RNF213: variants seen among roughly 807,000 people sequenced by gnomAD.
RNF213 encodes the protein ring finger protein 213.
In RNF213, 341 loss-of-function variants were observed where a neutral mutation model predicts 514.4. The ratio of observed to expected loss-of-function variants is 0.66; its 90% CI spans 0.61 to 0.73. The LOEUF (loss-of-function observed/expected upper bound fraction) is 0.73. RNF213 is among the 30% of genes least tolerant of loss of function. RNF213 has a pLI of 0.00. For missense variants in RNF213, 5,767 were observed against 6,615.6 expected, an observed-to-expected ratio of 0.87 and a Z score of 4.45; for synonymous variants, 2,655 against 2,658.2, an observed-to-expected ratio of 1.00 and a Z score of 0.04.
chr17:80,273,347 C>G lies in RNF213; in HGVS notation c.204C>G (p.Asp68Glu), dbSNP rs776879950. Residue 68 changes from aspartate (D) to glutamate (E), a missense_variant, in exon 3 of 68, where the codon GAC (aspartate) becomes GAG (glutamate). Around this residue, in one of 13 missense-constraint regions of RNF213, gnomAD observed 509 missense variants for 496.7 expected, o/e 1.02. Coordinates refer to ENST00000582970, the MANE Select transcript of RNF213 (RefSeq NM_001256071.3). The stretch of plus-strand genomic sequence containing the variant: ...GCCCGTGCTTGTTCCCGGGCTCAGA[C>G]AGTTGGCAAGAAAACCCCGAGGAGC... ...EGGPCLFPGS[D>E]SWQENPEEPC... 12 of 1,613,322 alleles carry G rather than the reference C, an allele frequency of 7.4e-6. No individual in the cohort carries two copies. Among genetic ancestry groups the G allele is most frequent in the African/African-American group, 1.3e-5 (1 of 74,874 alleles).
Position 80,317,183 on chromosome 17 carries a change from T to C in RNF213, c.2812-5T>C. On this transcript the variant is annotated splice_region_variant and splice_polypyrimidine_tract_variant and intron_variant, in intron 15 of 67. Coordinates refer to ENST00000582970, the MANE Select transcript of RNF213 (RefSeq NM_001256071.3). This position sits in a 1 kb window ranked among gnomAD's most constrained non-coding sequence, Gnocchi z 4.1. ...GTGGGTGTGACCTGTGTGCGGGTTTTGCAGGTCTGGAGGCGGCTGGTGGAA... is the reference window on the plus strand; with the variant it reads ...GTGGGTGTGACCTGTGTGCGGGTTTCGCAGGTCTGGAGGCGGCTGGTGGAA... 8.7e-6 allele frequency: 14 copies of C among 1,611,208 alleles called. No homozygotes were observed. Among genetic ancestry groups the C allele is most frequent in the Non-Finnish European group, 1.2e-5 (14 of 1,179,338 alleles).
rs2044911627 is a variant in RNF213 at position 80,295,639 on chromosome 17, A to G, written c.1838A>G (p.Asp613Gly). The stretch of plus-strand genomic sequence containing the variant: ...AAAAGCACGGACTTTTTGCCTGTGG[A>G]CTGCCCAGTGAGGAGTAAACTGAAA... ...DGKSTDFLPV[D>G]CPVRSKLKTG... Residue 613 changes from aspartate to glycine, a missense_variant, in exon 10 of 68, where the codon GAC (aspartate) becomes GGC (glycine). Physicochemically the swap from Asp to Gly is moderately conservative, Grantham distance 94 (BLOSUM62 -1). Coordinates refer to ENST00000582970, the MANE Select transcript of RNF213 (RefSeq NM_001256071.3). 1 of 1,614,130 alleles carries G rather than the reference A, an allele frequency of 6.2e-7. No individual in the cohort carries two copies. Among genetic ancestry groups the G allele is most frequent in the Non-Finnish European group, 8.5e-7 (1 of 1,180,008 alleles).
intron 8 of RNF213, among the ~76,000 whole-genome samples, chr17:80,294,499 C>T (rs377483075): frequency 5.9e-5 from 9 of 152,294 alleles, no homozygotes; most frequent in African/African-American, 1.9e-4. Flanking sequence ...TACTGTGGGA[C>T]GTCTAGGATG....
At chr17:80,385,642 A>G (rs1464141206) in intron 61 of RNF213, 21 bp downstream of exon 61, 2 of 1,605,130 alleles carry the variant, frequency 1.2e-6, no homozygotes, top group Non-Finnish European at 1.7e-6. Flanking sequence ...TGTCCCCTGT[A>G]CCACTAAGCG....
rs1335005255 is a variant in RNF213, at chr17:80,396,737, C to T, written c.*3239C>T. On this transcript the variant is annotated 3_prime_UTR_variant, in exon 68 of 68. Transcript: ENST00000582970. ...CAGGAAAGTGCATTTCCCCCCCACC[C>T]CCCCCCCCCAACCAGAGCAACTTTG... The T allele has an allele frequency of 1.5e-5, 1 of 66,588 alleles. No individual in the cohort carries two copies. The highest frequency in any genetic ancestry group is 3.5e-4 in the East Asian group (1 of 2,876). 4.1% of individuals were successfully genotyped at this position (66,588 alleles called of 1,614,324 possible).
In RNF213 at chr17:80,302,889, A is replaced by T. The variant is rs73446338; in HGVS notation, c.2211-3363A>T. Among the ~76,000 whole-genome samples, 920 of 152,278 alleles carry T rather than the reference A, an allele frequency of 6.0e-3. 15 individuals are homozygous for T. The highest frequency in any genetic ancestry group is 0.021 in the African/African-American group (870 of 41,556). On this transcript the variant is annotated intron_variant, in intron 11 of 67. Transcript: ENST00000582970. ...CAGGTAACCACAAACTTTCTCTTTA[A>T]GTATAATCTCTCTGAAATACTGAAT... is the stretch of plus-strand genomic sequence containing the variant.
In RNF213 at chr17:80,386,801, C is replaced by CAGAG; in HGVS notation, c.14836_14839dup (p.Thr4947ArgfsTer43). On this transcript the variant is annotated frameshift_variant, in exon 63 of 68. Coordinates refer to ENST00000582970, the MANE Select transcript of RNF213 (RefSeq NM_001256071.3). LOFTEE classifies it high-confidence loss of function. ...ACTGCCAGTACCAGGTGGAGGAGGG[C>CAGAG]AGAGAGACCGTGCAGGAGTTCGATC... The CAGAG allele has an allele frequency of 6.2e-7, 1 of 1,614,218 alleles. No homozygotes were observed. The highest frequency in any genetic ancestry group is 8.5e-7 in the Non-Finnish European group (1 of 1,180,034).
At chr17:80,315,773 T>C (rs1485526043) in intron 15 of RNF213, 1 of 34,018 alleles carries the variant, frequency 2.9e-5, no homozygotes, top group East Asian at 9.6e-4. Context: ...GTGATGCTGG[T>C]GGTGGTGGTG....
At chr17:80,369,211 C>T (rs1318744360) in intron 44 of RNF213, among the ~76,000 whole-genome samples, 1 of 152,094 alleles carries the variant, frequency 6.6e-6, no homozygotes, top group East Asian at 1.9e-4. Flanking sequence ...CCAGCCTGGC[C>T]AACACGGTGA....
At position 80,299,534 on chromosome 17, in the gene RNF213, G is replaced by GTTTATTTATTTA. The variant is rs149502065; in HGVS notation, c.2210+1040_2210+1051dup. 3.9e-3 allele frequency among the ~76,000 whole-genome samples: 586 copies of GTTTATTTATTTA among 149,970 alleles called. 2 individuals are homozygous for GTTTATTTATTTA. Among genetic ancestry groups the GTTTATTTATTTA allele is most frequent in the African/African-American group, 8.4e-3 (341 of 40,758 alleles). On this transcript the variant is annotated intron_variant, in intron 11 of 67. Transcript: ENST00000582970. ...TCACAAGAAAATATTACCAGAGAAA[G>GTTTATTTATTTA]TTTATTTATTTATTTATTTATTTAT... is the stretch of plus-strand genomic sequence containing the variant.
chr17:80,290,808 ATTTTGTT>A, intron 7 of RNF213, 80 bp downstream of exon 7: 5 of 1,550,356 alleles, frequency 3.2e-6, no homozygotes, highest in Non-Finnish European at 4.4e-6. Context: ...GTTTAAAAAA[ATTTTGTT>A]TTTTTTTTTT....
At chr17:80,379,438 A>C in intron 54 of RNF213, 182 bp from the exon 55 acceptor site, 1 of 665,222 alleles carries the variant, frequency 1.5e-6, no homozygotes. Context: ...CCCACGTGCA[A>C]CATTAGTGAG....
intron 15 of RNF213, chr17:80,315,616 TGGTC>T (rs1488245888): frequency 1.8e-3 from 2 of 1,088 alleles, no homozygotes; most frequent in African/African-American, 0.036. Flanking sequence ...GAGGTGATGG[TGGTC>T]CGTGGAGGTG....
intron 5 of RNF213, among the ~76,000 whole-genome samples, chr17:80,289,221 G>T (rs887815692): frequency 6.6e-6 from 1 of 152,178 alleles, no homozygotes; most frequent in African/African-American, 2.4e-5. Context: ...TGGCCCCAGC[G>T]GCACTGGAAG....
At chr17:80,280,432 G>A (rs1395014822) in intron 3 of RNF213, among the ~76,000 whole-genome samples, 4 of 152,090 alleles carry the variant, frequency 2.6e-5, no homozygotes, top group Admixed American at 6.6e-5. Flanking sequence ...CAGTAGTATA[G>A]CTCTGAATGG....
Position 80,345,600 on chromosome 17 carries a change from C to G in RNF213, c.7265C>G (p.Thr2422Ser). Reference protein sequence around the residue: ...CGIPVIIMGETGCGKTRLIKF... With the variant: ...CGIPVIIMGESGCGKTRLIKF... The stretch of plus-strand genomic sequence containing the variant: ...ATCCCGGTTATCATCATGGGAGAAA[C>G]TGGCTGTGGGAAAACCAGGCTTATT... Residue 2422 changes from threonine (T) to serine (S), a missense_variant, in exon 29 of 68, where the codon ACT (threonine) becomes AGT (serine). Around this residue, in one of 13 missense-constraint regions of RNF213, gnomAD observed 1,377 missense variants for 1,635.2 expected, o/e 0.84. Transcript: ENST00000582970. The surrounding 1 kb of genome is among the most constrained non-coding windows in gnomAD (Gnocchi z 6.0). The G allele has an allele frequency of 6.2e-7, 1 of 1,613,988 alleles. No individual in the cohort carries two copies. The highest frequency in any genetic ancestry group is 8.5e-7 in the Non-Finnish European group (1 of 1,179,882).
intron 3 of RNF213, among the ~76,000 whole-genome samples, chr17:80,276,391 C>T (rs1461539536): frequency 7.9e-5 from 12 of 152,082 alleles, no homozygotes. Context: ...TGAGCCACCA[C>T]GCCTGCCCTA....
At position 80,383,729 on chromosome 17, in the gene RNF213, G is replaced by GT. The variant is rs749338327; in HGVS notation, c.14124dup (p.Ile4709TyrfsTer4). The GT allele has an allele frequency of 1.2e-6, 2 of 1,613,600 alleles. No individual in the cohort carries two copies. The highest frequency in any genetic ancestry group is 1.3e-5 in the African/African-American group (1 of 74,766). ...AATAATCTCATCAGCCAAGATAAGC[G>GT]TATCAGCTCTAACCCTGTGGCCAAA... On this transcript the variant is annotated frameshift_variant, in exon 59 of 68. Coordinates refer to ENST00000582970, the MANE Select transcript of RNF213 (RefSeq NM_001256071.3). LOFTEE classifies it high-confidence loss of function.
intron 26 of RNF213, among the ~76,000 whole-genome samples, chr17:80,342,521 C>T (rs780254516): frequency 3.4e-5 from 5 of 147,760 alleles, no homozygotes; most frequent in South Asian, 2.1e-4. Flanking sequence ...TTGTCCTAGC[C>T]CTGGGACTTA....
Sources: allele counts gnomAD v4.1 joint callset (sites outside exome capture counted in the v4.1 genomes callset), GRCh38; gene constraint gnomAD v4.1.1; regional missense constraint gnomAD v4.1.1; non-coding constraint Gnocchi (gnomAD v3.1); transcripts MANE v1.5; gene names NCBI Gene and HGNC (gene_info 2026-07-23, HGNC 2026-07-21).